The following TNFAIP8L3 variants were observed in gnomAD, a reference collection of about 807,000 sequenced individuals.
TNFAIP8L3 encodes tumor necrosis factor alpha-induced protein 8-like protein 3.
TNFAIP8L3 carries 7 observed loss-of-function variants against 11.8 expected under a neutral mutation model. That is an observed-to-expected ratio of 0.59 (90% CI 0.34 to 1.11). TNFAIP8L3 has a LOEUF of 1.11. Among genes scored for constraint, TNFAIP8L3 ranks in the 50% most tolerant of loss-of-function variants. TNFAIP8L3 has a pLI of 0.03. For synonymous variants in TNFAIP8L3, 98 were observed against 103.8 expected, an observed-to-expected ratio of 0.94 and a Z score of 0.34; for missense variants, 219 against 258.6, an observed-to-expected ratio of 0.85 and a Z score of 1.05.
chr15:51,094,839 G>C lies in TNFAIP8L3; in HGVS notation c.-244C>G, dbSNP rs2065500537. 2.5e-6 allele frequency: 1 copy of C among 402,146 alleles called. No individual in the cohort carries two copies. Among genetic ancestry groups the C allele is most frequent in the Admixed American group, 6.5e-5 (1 of 15,380 alleles). 24.9% of individuals were successfully genotyped at this position (402,146 alleles called of 1,614,324 possible). ...CGAGGCGAGCGCAGGGCGGAGGGTG[G>C]GGCGCTCCGGGAGACAGCCGGGAGG... On this transcript the variant is annotated 5_prime_UTR_variant, in exon 1 of 2. Transcript: ENST00000637513. This position sits in a 1 kb window ranked among gnomAD's most constrained non-coding sequence, Gnocchi z 4.4.
chr15:51,094,024 A>C lies in TNFAIP8L3; in HGVS notation c.52+520T>G, dbSNP rs2065491838. On this transcript the variant is annotated intron_variant, in intron 1 of 1. Coordinates refer to ENST00000637513, the MANE Select transcript of TNFAIP8L3 (RefSeq NM_001311175.2). This position sits in a 1 kb window ranked among gnomAD's most constrained non-coding sequence, Gnocchi z 4.4. The stretch of plus-strand genomic sequence containing the variant: ...TGCGCGGCAGCGATGGACCCTGTGC[A>C]TGGGCTCTCCTAGCAGCCTCGGGAA... 6.6e-6 allele frequency among the ~76,000 whole-genome samples: 1 copy of C among 152,036 alleles called. No individual in the cohort carries two copies. The highest frequency in any genetic ancestry group is 2.4e-5 in the African/African-American group (1 of 41,404).
intron 1 of TNFAIP8L3, among the ~76,000 whole-genome samples, chr15:51,081,813 C>G (rs78155118): frequency 6.6e-6 from 1 of 152,182 alleles, no homozygotes. Context: ...GTGCTTACCA[C>G]GCTTGCTGGT....
chr15:51,094,940 C>CG (rs1204366196), upstream of TNFAIP8L3, among the ~76,000 whole-genome samples: 1 of 151,682 alleles, frequency 6.6e-6, no homozygotes, highest in African/African-American at 2.4e-5. The surrounding 1 kb of genome is among the most constrained non-coding windows in gnomAD (Gnocchi z 4.4). Context: ...TTAAATATCC[C>CG]GGGGGCGGCG....
intron 1 of TNFAIP8L3, among the ~76,000 whole-genome samples, chr15:51,100,126 T>G (rs76042369): frequency 0.025 from 3,782 of 152,334 alleles, 194 homozygotes; most frequent in African/African-American, 0.088. Flanking sequence ...ATAATTTTAT[T>G]TGACTTGGGA....
upstream of TNFAIP8L3, among the ~76,000 whole-genome samples, chr15:51,096,891 C>CAAAAAAAAAAAAAAAAAAAAA (rs56057102): frequency 2.0e-5 from 2 of 98,268 alleles, no homozygotes; most frequent in Non-Finnish European, 4.2e-5. Context: ...CACGCTGTCT[C>CAAAAAAAAAAAAAAAAAAAAA]AAAAAAAAAA....
In TNFAIP8L3 at chr15:51,058,189, C is replaced by T. The variant is rs565414241; in HGVS notation, c.307G>A (p.Val103Ile). 7 of 1,614,224 alleles carry T rather than the reference C, an allele frequency of 4.3e-6. No individual in the cohort carries two copies. In the East Asian group the frequency reaches 6.7e-5, roughly 15 times the overall value. Residue 103 changes from valine to isoleucine, a missense_variant, in exon 2 of 2, where the codon GTT (valine) becomes ATT (isoleucine). Physicochemically the swap from Val to Ile is conservative, Grantham distance 29 (BLOSUM62 3). Transcript: ENST00000637513. ...TTCTTCCGGAACTTCTCCACAATAACCAGCTCCTCTTGGCTAAACTGGTTG... is the reference window on the plus strand; with the variant it reads ...TTCTTCCGGAACTTCTCCACAATAATCAGCTCCTCTTGGCTAAACTGGTTG... ...RNNQFSQEEL[V>I]IVEKFRKKLN... is the part of the protein sequence containing the mutation.
At chr15:51,087,745 GC>G (rs2065439729) in intron 1 of TNFAIP8L3, among the ~76,000 whole-genome samples, 1 of 151,748 alleles carries the variant, frequency 6.6e-6, no homozygotes, top group African/African-American at 2.4e-5. Flanking sequence ...TTTACAGTAT[GC>G]ACACTGGTAG....
chr15:51,104,807 G>A (rs986287024), intron 1 of TNFAIP8L3, among the ~76,000 whole-genome samples: 4 of 152,242 alleles, frequency 2.6e-5, no homozygotes, highest in Non-Finnish European at 4.4e-5. Context: ...TTTCTGCTGT[G>A]TTGGAGTGAA....
At chr15:51,102,241 G>A (rs2065558922) in intron 1 of TNFAIP8L3, among the ~76,000 whole-genome samples, 1 of 152,140 alleles carries the variant, frequency 6.6e-6, no homozygotes, top group Admixed American at 6.5e-5. Flanking sequence ...GCTTTCATCT[G>A]ATGCTGACTC....
intron 1 of TNFAIP8L3, among the ~76,000 whole-genome samples, chr15:51,082,044 ATTTTTTT>A (rs370927669): frequency 6.9e-6 from 1 of 143,892 alleles, no homozygotes; most frequent in East Asian, 2.0e-4. Context: ...GAAAGAGTGA[ATTTTTTT>A]TTTTTTTTTT....
chr15:51,081,678 A>C (rs1052946243), intron 1 of TNFAIP8L3, among the ~76,000 whole-genome samples: 5 of 152,228 alleles, frequency 3.3e-5, no homozygotes, highest in Non-Finnish European at 7.4e-5. Context: ...AACAGAAAAC[A>C]AAACAAAACA....
chr15:51,104,662 G>T (rs2065576975), intron 1 of TNFAIP8L3, among the ~76,000 whole-genome samples: 1 of 152,204 alleles, frequency 6.6e-6, no homozygotes, highest in Non-Finnish European at 1.5e-5. Flanking sequence ...GATGGCTGGA[G>T]GTTTTGGCTC....
chr15:51,087,112 C>A (rs1404760335), intron 1 of TNFAIP8L3, among the ~76,000 whole-genome samples: 4 of 152,212 alleles, frequency 2.6e-5, no homozygotes, highest in Non-Finnish European at 5.9e-5. Context: ...AGGTGATCCA[C>A]CCGCCTCAGC....
exon 1 of TNFAIP8L3, chr15:51,105,257 T>C: frequency 6.8e-7 from 1 of 1,469,130 alleles, no homozygotes; most frequent in Admixed American, 2.0e-5. Context: ...TTCCCATTAC[T>C]TGAGGTAAGA....
At chr15:51,100,648 T>G (rs2065544303) in intron 1 of TNFAIP8L3, among the ~76,000 whole-genome samples, 2 of 152,174 alleles carry the variant, frequency 1.3e-5, no homozygotes, top group Non-Finnish European at 2.9e-5. Flanking sequence ...TATGAACATC[T>G]GGTGCCACAT....
chr15:51,069,653 G>A (rs2065295126), intron 1 of TNFAIP8L3: 1 of 152,188 alleles, frequency 6.6e-6, no homozygotes, highest in South Asian at 2.1e-4. Context: ...CAACTGCTGA[G>A]TACAGATTAC....
chr15:51,080,764 G>A (rs1428073443), intron 1 of TNFAIP8L3, among the ~76,000 whole-genome samples: 3 of 152,266 alleles, frequency 2.0e-5, no homozygotes, highest in Admixed American at 6.5e-5. Context: ...CACAAAAACA[G>A]GTGGCAGGCC....
At chr15:51,092,644 T>C (rs1302393462) in intron 1 of TNFAIP8L3, among the ~76,000 whole-genome samples, 1 of 152,234 alleles carries the variant, frequency 6.6e-6, no homozygotes, top group Non-Finnish European at 1.5e-5. Context: ...CTGTCTGCCC[T>C]GTTCTTCATG....
In TNFAIP8L3 at chr15:51,061,492, T is replaced by C. The variant is rs377476400; in HGVS notation, c.53-3049A>G. Among the ~76,000 whole-genome samples the C allele has an allele frequency of 1.6e-4, 25 of 152,374 alleles. No individual in the cohort carries two copies. In the South Asian group the frequency reaches 4.8e-3, roughly 29 times the overall value. On this transcript the variant is annotated intron_variant, in intron 1 of 1. Coordinates refer to ENST00000637513, the MANE Select transcript of TNFAIP8L3 (RefSeq NM_001311175.2). ...CAATGTAACGTAAGTACCGTTGTTA[T>C]ATAATACCCATTATTGTACACTTTA...
Sources: allele counts gnomAD v4.1 joint callset (sites outside exome capture counted in the v4.1 genomes callset), GRCh38; gene constraint gnomAD v4.1.1; non-coding constraint Gnocchi (gnomAD v3.1); transcripts MANE v1.5; gene names NCBI Gene and HGNC (gene_info 2026-07-23, HGNC 2026-07-21).